The following AP4B1 variants were observed in gnomAD, a reference collection of about 807,000 sequenced individuals.
AP4B1 encodes adaptor related protein complex 4 subunit beta 1, also known as AP-4 complex subunit beta-1.
AP4B1 carries 49 observed loss-of-function variants against 76.5 expected under a neutral mutation model. The ratio of observed to expected loss-of-function variants is 0.64; its 90% CI spans 0.51 to 0.81. AP4B1 has a LOEUF of 0.81. Among genes scored for constraint, AP4B1 ranks in the 40% least tolerant of loss-of-function variants. The pLI is 0.00. For missense variants in AP4B1, 911 were observed against 904.9 expected (o/e 1.01, Z -0.09); for synonymous variants, 330 against 333.3 (o/e 0.99, Z 0.11).
At chr1:113,904,983 C>G, upstream of AP4B1, 1 of 469,988 alleles carries the variant, frequency 2.1e-6, no homozygotes, top group Non-Finnish European at 3.9e-6. Context: ...AGATCGCTCC[C>G]GCTACTTCTA....
chr1:113,903,254 CG>C (rs1332266051), intron 1 of AP4B1, among the ~76,000 whole-genome samples: 2 of 152,144 alleles, frequency 1.3e-5, no homozygotes, highest in African/African-American at 2.4e-5. Flanking sequence ...TTAGTAGAGA[CG>C]GGGTTTCTCC....
In AP4B1 at chr1:113,894,805, T is replaced by C. The variant is rs1050681993; in HGVS notation, c.*260A>G. ...ACAATTCCTAAAATTGATTAGGAAATAATCCAAATCCCATCCTCAACGCAT... is the reference window on the plus strand; with the variant it reads ...ACAATTCCTAAAATTGATTAGGAAACAATCCAAATCCCATCCTCAACGCAT... On this transcript the variant is annotated 3_prime_UTR_variant, in exon 10 of 10. Coordinates refer to ENST00000369569, the MANE Select transcript of AP4B1 (RefSeq NM_001253852.3). 6.9e-6 allele frequency: 3 copies of C among 432,436 alleles called. No homozygotes were observed. The highest frequency in any genetic ancestry group is 4.0e-5 in the African/African-American group (2 of 50,192). The allele number at this position is 432,436 out of a possible 1,614,324, so 26.8% of individuals were successfully genotyped here.
At position 113,898,775 on chromosome 1, in the gene AP4B1, G is replaced by C. The variant is rs200569609; in HGVS notation, c.1141C>G (p.Gln381Glu). Reference sequence around the variant, plus strand: ...AACTCTGTTAAAATCTGAACACATTGATCTGTGTAAGTCCTGGCAATGCCA... The same window carrying C: ...AACTCTGTTAAAATCTGAACACATTCATCTGTGTAAGTCCTGGCAATGCCA... Reference protein sequence around the residue: ...IGGIARTYTDQCVQILTELLG... With the variant: ...IGGIARTYTDECVQILTELLG... Residue 381 changes from glutamine (Q) to glutamate (E), a missense_variant, in exon 6 of 10, where the codon CAA becomes GAA. Coordinates refer to ENST00000369569, the MANE Select transcript of AP4B1 (RefSeq NM_001253852.3). The C allele has an allele frequency of 1.2e-6, 2 of 1,609,558 alleles. No individual in the cohort carries two copies. Among genetic ancestry groups the C allele is most frequent in the Admixed American group, 3.3e-5 (2 of 59,988 alleles).
chr1:113,895,619 C>T (rs1022771295), intron 9 of AP4B1, 127 bp from the exon 10 acceptor site: 33 of 1,529,172 alleles, frequency 2.2e-5, no homozygotes, highest in East Asian at 6.8e-5. Flanking sequence ...TAACCAGTGA[C>T]GAACCTCTTT....
intron 6 of AP4B1, 99 bp downstream of exon 6, chr1:113,898,619 T>C (rs1447581875): frequency 3.3e-6 from 3 of 920,368 alleles, no homozygotes; most frequent in Non-Finnish European, 5.4e-6. Context: ...AAAGTTCAAA[T>C]CTCTATATTA....
At chr1:113,902,139 A>G (rs536032288) in intron 2 of AP4B1, 5 of 489,364 alleles carry the variant, frequency 1.0e-5, no homozygotes, top group African/African-American at 7.8e-5. Flanking sequence ...TCCCGGGCCC[A>G]AGCCATCCTC....
intron 7 of AP4B1, chr1:113,897,238 C>G (rs1667604938): frequency 6.4e-6 from 1 of 156,660 alleles, no homozygotes; most frequent in South Asian, 1.8e-4. Context: ...AAAAATTTCA[C>G]AAATGATTAT....
Position 113,895,062 on chromosome 1 carries a change from CTG to C in AP4B1, c.*1_*2del, listed in dbSNP as rs1302681844. Reference sequence around the variant, plus strand: ...CTTACTCTAGACAAGCAACAAGACTCTGTTATGATTTTATTTCTTCAATTGTT... The same window carrying C: ...CTTACTCTAGACAAGCAACAAGACTCTTATGATTTTATTTCTTCAATTGTT... On this transcript the variant is annotated 3_prime_UTR_variant, in exon 10 of 10. Coordinates refer to ENST00000369569, the MANE Select transcript of AP4B1 (RefSeq NM_001253852.3). 2 of 1,612,524 alleles carry C rather than the reference CTG, an allele frequency of 1.2e-6. No homozygotes were observed. The highest frequency in any genetic ancestry group is 1.1e-5 in the South Asian group (1 of 90,874).
chr1:113,896,009 G>C lies in AP4B1; in HGVS notation c.1540C>G (p.Arg514Gly). The stretch of plus-strand genomic sequence containing the variant: ...AGGAGGCGATAATAGAAGAGACCTC[G>C]GTCCCGTACAGCCATATCTTTTTCT... Reference protein sequence around the residue: ...EEEKDMAVRDRGLFYYRLLLV... With the variant: ...EEEKDMAVRDGGLFYYRLLLV... The change falls in exon 9 of 10, where the codon CGA becomes GGA. Residue 514 changes from arginine to glycine, a missense_variant. Physicochemically the swap from Arg to Gly is moderately radical, Grantham distance 125. Transcript: ENST00000369569. 1 of 1,614,158 alleles carries C rather than the reference G, an allele frequency of 6.2e-7. No homozygotes were observed.
chr1:113,898,403 G>C (rs1490869491), intron 6 of AP4B1, among the ~76,000 whole-genome samples: 4 of 152,120 alleles, frequency 2.6e-5, no homozygotes, highest in African/African-American at 9.7e-5. Flanking sequence ...ACTTACCCTT[G>C]TCCCAACCCT....
Position 113,895,252 on chromosome 1 carries a change from G to A in AP4B1, c.2033C>T (p.Pro678Leu). Residue 678 changes from proline to leucine, a missense_variant, in exon 10 of 10, where the codon CCA (proline) becomes CTA (leucine). Transcript: ENST00000369569. ...CTGAGCACTGAGGTATGCTTTCCATGGCCGAGACCCAGCCCTACTCATTGC... is the reference window on the plus strand; with the variant it reads ...CTGAGCACTGAGGTATGCTTTCCATAGCCGAGACCCAGCCCTACTCATTGC... ...TIAMSRAGSR[P>L]WKAYLSAQDD... 6.2e-7 allele frequency: 1 copy of A among 1,614,184 alleles called. No individual in the cohort carries two copies. Among genetic ancestry groups the A allele is most frequent in the African/African-American group, 1.3e-5 (1 of 75,034 alleles).
chr1:113,903,076 T>C (rs1420784534), intron 1 of AP4B1, among the ~76,000 whole-genome samples: 2 of 152,232 alleles, frequency 1.3e-5, no homozygotes, highest in African/African-American at 2.4e-5. Context: ...ACACTTATTA[T>C]TATTTTTGAG....
intron 2 of AP4B1, 111 bp downstream of exon 2, chr1:113,902,527 T>C: frequency 9.2e-7 from 1 of 1,088,806 alleles, no homozygotes; most frequent in Non-Finnish European, 1.4e-6. Context: ...GGTACAATAA[T>C]GTTTTCCCCA....
intron 1 of AP4B1, among the ~76,000 whole-genome samples, chr1:113,904,209 A>G (rs2101053885): frequency 6.6e-6 from 1 of 152,324 alleles, no homozygotes; most frequent in African/African-American, 2.4e-5. Context: ...GGTGGCATTC[A>G]TCAACACAAA....
In AP4B1 at chr1:113,904,651, G is replaced by C; in HGVS notation, c.67C>G (p.Gln23Glu). 6.2e-7 allele frequency: 1 copy of C among 1,613,552 alleles called. No individual in the cohort carries two copies. Among genetic ancestry groups the C allele is most frequent in the South Asian group, 1.1e-5 (1 of 91,042 alleles). Residue 23 changes from glutamine to glutamate, a missense_variant, in exon 1 of 10, where the codon CAA becomes GAA. Gln to Glu is a conservative substitution (Grantham distance 29). Transcript: ENST00000369569. The stretch of plus-strand genomic sequence containing the variant: ...TTCCGGTAGCGCAGCCTATCAGCTT[G>C]AATGTGAGGATTGCACAGAGCCTTC... ...LKKALCNPHI[Q>E]ADRLRYRNVI...
rs74706689 is a variant in AP4B1, at chr1:113,902,034, A to G, written c.339-149T>C. 1.6e-3 allele frequency: 1,653 copies of G among 1,063,826 alleles called. 16 individuals carry two copies. The African/African-American group carries it at 0.024, about 15-fold the overall frequency. The allele number at this position is 1,063,826 out of a possible 1,614,324, so 65.9% of individuals were successfully genotyped here. On this transcript the variant is annotated intron_variant, in intron 2 of 9. Coordinates refer to ENST00000369569, the MANE Select transcript of AP4B1 (RefSeq NM_001253852.3). ...AAGCCTCTATCAAGCTTAAAAAGCCATAATTTGACTTTTCTGTTTTTTTCT... is the reference window on the plus strand; with the variant it reads ...AAGCCTCTATCAAGCTTAAAAAGCCGTAATTTGACTTTTCTGTTTTTTTCT...
chr1:113,902,145 T>C (rs929159878), intron 2 of AP4B1: 16 of 480,368 alleles, frequency 3.3e-5, no homozygotes, highest in Admixed American at 2.6e-4. Flanking sequence ...GCCCAAGCCA[T>C]CCTCCTGCCT....
rs369461701 is a variant in AP4B1 at position 113,899,994 on chromosome 1, C to A, written c.1024G>T (p.Asp342Tyr). 7 of 1,614,066 alleles carry A rather than the reference C, an allele frequency of 4.3e-6. No individual in the cohort carries two copies. Among genetic ancestry groups the A allele is most frequent in the East Asian group, 2.2e-5 (1 of 44,908 alleles). ...TCTAGCACCTGCTGCACATTCTCAT[C>A]GTTCACCAGTTCACACAGCACCTCC... ...KVEVLCELVN[D>Y]ENVQQVLEEL... Residue 342 changes from aspartate to tyrosine, a missense_variant, in exon 5 of 10, where the codon GAT becomes TAT. Asp to Tyr is a radical substitution (Grantham distance 160). Coordinates refer to ENST00000369569, the MANE Select transcript of AP4B1 (RefSeq NM_001253852.3).
rs1324883022 is a variant in AP4B1 at position 113,898,065 on chromosome 1, A to G, written c.1199-122T>C. 12 of 1,542,616 alleles carry G rather than the reference A, an allele frequency of 7.8e-6. No individual in the cohort carries two copies. In the East Asian group the frequency reaches 2.7e-4, roughly 34 times the overall value. ...TGGATTTCTGTAAAATGGGTTTTGG[A>G]GGTGTGGTCAATGGTTATCTAAGAA... On this transcript the variant is annotated intron_variant, in intron 6 of 9. Coordinates refer to ENST00000369569, the MANE Select transcript of AP4B1 (RefSeq NM_001253852.3).
Sources: gnomAD v4.1 joint callset for allele counts (sites outside exome capture counted in the v4.1 genomes callset) on GRCh38, gnomAD v4.1.1 for gene constraint, MANE v1.5 for transcripts, NCBI Gene and HGNC (gene_info 2026-07-23, HGNC 2026-07-21) for gene names.